Variants in SLC23A2 observed in about 807,000 individuals in gnomAD.
SLC23A2 encodes the protein Na(+)/L-ascorbic acid transporter 2.
Under a neutral mutation model 73.3 loss-of-function variants are expected in SLC23A2, and 36 were observed. The ratio of observed to expected loss-of-function variants is 0.49; its 90% CI spans 0.38 to 0.65. SLC23A2 has a LOEUF of 0.65. Ranked by LOEUF, SLC23A2 falls within the 30% of genes least tolerant of loss-of-function variation. The pLI is 0.00. For synonymous variants in SLC23A2, 343 were observed against 327.3 expected (o/e 1.05, Z -0.52); for missense variants, 507 against 841.6 (o/e 0.60, Z 4.92).
chr20:4,951,930 C>T (rs903317030), intron 2 of SLC23A2, among the ~76,000 whole-genome samples: 3 of 151,440 alleles, frequency 2.0e-5, no homozygotes, highest in Admixed American at 2.0e-4. Context: ...CAGTGAAATC[C>T]CATCTCTACT....
chr20:5,005,531 G>A (rs2088181226), upstream of SLC23A2, among the ~76,000 whole-genome samples: 1 of 152,064 alleles, frequency 6.6e-6, no homozygotes, highest in African/African-American at 2.4e-5. Context: ...ATTGTAGCTT[G>A]GGGCTATTCC....
At chr20:4,949,632 C>T (rs148631875) in intron 2 of SLC23A2, among the ~76,000 whole-genome samples, 1 of 152,208 alleles carries the variant, frequency 6.6e-6, no homozygotes, top group Non-Finnish European at 1.5e-5. Context: ...CACCCACCTA[C>T]ACAGGCACAG....
At chr20:4,895,841 A>G (rs574421991) in intron 6 of SLC23A2, among the ~76,000 whole-genome samples, 48 of 152,270 alleles carry the variant, frequency 3.2e-4, no homozygotes, top group African/African-American at 1.2e-3. Context: ...GTGTCCAAGT[A>G]CCAGAGGGGG....
At chr20:4,882,585 G>C (rs1930932842) in intron 9 of SLC23A2, among the ~76,000 whole-genome samples, 2 of 152,104 alleles carry the variant, frequency 1.3e-5, no homozygotes, top group Non-Finnish European at 2.9e-5. Flanking sequence ...GAGTATGATG[G>C]GTTCGGGCCC....
At chr20:4,920,929 G>A (rs577073905) in intron 3 of SLC23A2, among the ~76,000 whole-genome samples, 1 of 152,252 alleles carries the variant, frequency 6.6e-6, no homozygotes, top group East Asian at 1.9e-4. Context: ...TTGATCACCA[G>A]TATTACTCCG....
In SLC23A2 at chr20:4,856,812, A is replaced by G. The variant is rs2122763464; in HGVS notation, c.*160T>C. On this transcript the variant is annotated 3_prime_UTR_variant, in exon 17 of 17. Transcript: ENST00000338244. This position sits in a 1 kb window ranked among gnomAD's most constrained non-coding sequence, Gnocchi z 4.6. ...AGATAGGCGAGACACCGCATCAGGC[A>G]CCATCACCCTCACAGCAGAAAAGTG... 1 of 606,958 alleles carries G rather than the reference A, an allele frequency of 1.6e-6. No individual in the cohort carries two copies. The highest frequency in any genetic ancestry group is 2.7e-5 in the East Asian group (1 of 36,466). The allele number at this position is 606,958 out of a possible 1,614,324, so 37.6% of individuals were successfully genotyped here.
chr20:4,941,475 G>C (rs894062922), intron 2 of SLC23A2, among the ~76,000 whole-genome samples: 1 of 152,008 alleles, frequency 6.6e-6, no homozygotes. Context: ...GGCCAAGGTG[G>C]GCAGATTACC....
At chr20:4,882,321 G>A (rs755726424) in intron 9 of SLC23A2, among the ~76,000 whole-genome samples, 10 of 152,106 alleles carry the variant, frequency 6.6e-5, no homozygotes. Context: ...GTTGCAGTGA[G>A]CCAAGATCGC....
chr20:4,871,944 G>T (rs181179975), intron 11 of SLC23A2, among the ~76,000 whole-genome samples: 1 of 152,092 alleles, frequency 6.6e-6, no homozygotes, highest in East Asian at 1.9e-4. Context: ...GATTTTGAAG[G>T]GGGATTCTTA....
intron 6 of SLC23A2, among the ~76,000 whole-genome samples, chr20:4,891,633 G>A (rs760592887): frequency 2.0e-5 from 3 of 152,206 alleles, no homozygotes; most frequent in Non-Finnish European, 2.9e-5. Context: ...TCCAGCCCTT[G>A]CTCGCTGTGC....
At chr20:4,943,442 C>T (rs149645562) in intron 2 of SLC23A2, among the ~76,000 whole-genome samples, 1 of 151,276 alleles carries the variant, frequency 6.6e-6, no homozygotes, top group East Asian at 1.9e-4. Context: ...CTGAGGCAGG[C>T]GGATCGCTTG....
chr20:4,898,421 C>T (rs924298376), intron 6 of SLC23A2, among the ~76,000 whole-genome samples: 13 of 152,218 alleles, frequency 8.5e-5, no homozygotes, highest in Admixed American at 2.0e-4. Flanking sequence ...CCTGAGGTCC[C>T]GAAGGATTCT....
At chr20:4,879,408 C>CAAAAAAAAAAAAAAAAA (rs111565515) in intron 9 of SLC23A2, among the ~76,000 whole-genome samples, 6 of 43,006 alleles carry the variant, frequency 1.4e-4, no homozygotes, top group Non-Finnish European at 1.7e-4. Context: ...AACTCTGTCT[C>CAAAAAAAAAAAAAAAAA]AAAAAAAAAA....
chr20:4,987,832 C>T (rs1181346992), intron 1 of SLC23A2, among the ~76,000 whole-genome samples: 3 of 149,130 alleles, frequency 2.0e-5, no homozygotes, highest in African/African-American at 7.5e-5. Context: ...GGCGACAGAG[C>T]AGGACTCCAT....
At chr20:4,945,461 T>G (rs2087106236) in intron 2 of SLC23A2, among the ~76,000 whole-genome samples, 1 of 152,148 alleles carries the variant, frequency 6.6e-6, no homozygotes, top group Admixed American at 6.6e-5. Flanking sequence ...AATGTTTGTA[T>G]TTTTTGTAGA....
chr20:5,007,080 G>T (rs1021253904), intron 1 of SLC23A2, among the ~76,000 whole-genome samples: 1 of 151,908 alleles, frequency 6.6e-6, no homozygotes, highest in Non-Finnish European at 1.5e-5. Flanking sequence ...TCAGGGAATG[G>T]CTGAATGATC....
intron 4 of SLC23A2, among the ~76,000 whole-genome samples, chr20:4,909,258 A>G (rs1259170860): frequency 6.6e-6 from 1 of 152,150 alleles, no homozygotes; most frequent in Non-Finnish European, 1.5e-5. Context: ...CTCAAATCCA[A>G]AATGCTCCAA....
chr20:4,993,109 T>G (rs934680216), intron 1 of SLC23A2, among the ~76,000 whole-genome samples: 12 of 151,398 alleles, frequency 7.9e-5, no homozygotes, highest in Non-Finnish European at 1.8e-4. Flanking sequence ...AAACCCCGTC[T>G]CTACTAAAAA....
intron 2 of SLC23A2, among the ~76,000 whole-genome samples, chr20:4,961,841 G>T (rs183529089): frequency 1.3e-5 from 2 of 152,138 alleles, no homozygotes; most frequent in African/African-American, 4.8e-5. Flanking sequence ...CACAGGGAGC[G>T]AAAAGCAGTT....
Sources: gnomAD v4.1 joint callset for allele counts (sites outside exome capture counted in the v4.1 genomes callset) on GRCh38, gnomAD v4.1.1 for gene constraint, Gnocchi (gnomAD v3.1) non-coding constraint, MANE v1.5 for transcripts, NCBI Gene and HGNC (gene_info 2026-07-23, HGNC 2026-07-21) for gene names.